The following PTPRM variants were observed in gnomAD, a reference collection of about 807,000 sequenced individuals.
The protein encoded by PTPRM is receptor-type tyrosine-protein phosphatase mu.
PTPRM carries 47 observed loss-of-function variants against 186.7 expected under a neutral mutation model. The observed-to-expected ratio is 0.25, with a 90% CI of 0.20 to 0.32. The LOEUF (loss-of-function observed/expected upper bound fraction) is 0.32. Among genes scored for constraint, PTPRM ranks in the 10% least tolerant of loss-of-function variants. PTPRM has a pLI of 1.00. For synonymous variants in PTPRM, 668 were observed against 674.9 expected, an observed-to-expected ratio of 0.99 and a Z score of 0.16; for missense variants, 1,494 against 1,865.0, an observed-to-expected ratio of 0.80 and a Z score of 3.66.
intron 2 of PTPRM, among the ~76,000 whole-genome samples, chr18:7,786,539 G>T (rs1270647406): frequency 6.6e-6 from 1 of 152,156 alleles, no homozygotes; most frequent in East Asian, 1.9e-4. Flanking sequence ...AAACTTGAAG[G>T]TGCAGACTAG....
chr18:8,154,867 A>G (rs1332912753), intron 14 of PTPRM: 1 of 152,238 alleles, frequency 6.6e-6, no homozygotes, highest in Non-Finnish European at 1.5e-5. Flanking sequence ...ACCTGGACTA[A>G]TATCATCTGA....
chr18:7,634,496 C>A (rs545072926), intron 1 of PTPRM, among the ~76,000 whole-genome samples: 1 of 152,292 alleles, frequency 6.6e-6, no homozygotes, highest in Admixed American at 6.5e-5. Flanking sequence ...CTGAAAAGCT[C>A]TTTCCTCATT....
intron 13 of PTPRM, among the ~76,000 whole-genome samples, chr18:8,118,811 A>AAAATATATATATAT (rs372020679): frequency 1.6e-5 from 2 of 128,390 alleles, no homozygotes; most frequent in African/African-American, 5.8e-5. Context: ...AAAAAAAAAA[A>AAAATATATATATAT]ATATATATAT....
chr18:8,156,456 C>T (rs181235919), intron 14 of PTPRM, among the ~76,000 whole-genome samples: 110 of 152,140 alleles, frequency 7.2e-4, no homozygotes, highest in Middle Eastern at 6.8e-3. Context: ...TGAGATGTGA[C>T]GATGATGATA....
intron 7 of PTPRM, among the ~76,000 whole-genome samples, chr18:7,962,480 A>C (rs1486241226): frequency 6.6e-6 from 1 of 152,170 alleles, no homozygotes; most frequent in African/African-American, 2.4e-5. Context: ...GGTCCAGTCT[A>C]AATGTCACTA....
In PTPRM at chr18:8,343,531, C is replaced by T. The variant is rs1469550031; in HGVS notation, c.3054+11C>T. 4.3e-6 allele frequency: 7 copies of T among 1,611,648 alleles called. No homozygotes were observed. In the Admixed American group the frequency reaches 6.7e-5, roughly 15 times the overall value. On this transcript the variant is annotated intron_variant, in intron 23 of 32. Transcript: ENST00000580170. The stretch of plus-strand genomic sequence containing the variant: ...GTGGAAGTGGGAAGGGTGAGTGGAC[C>T]GTCTGCTGCAAATGGCCATTTTGTT...
intron 2 of PTPRM, among the ~76,000 whole-genome samples, chr18:7,781,413 A>C (rs1248923608): frequency 6.6e-6 from 1 of 152,212 alleles, no homozygotes; most frequent in African/African-American, 2.4e-5. Context: ...GTAAAAAATT[A>C]ATGTTGAATC....
intron 1 of PTPRM, among the ~76,000 whole-genome samples, chr18:7,755,684 C>T (rs2041451171): frequency 6.6e-6 from 1 of 152,210 alleles, no homozygotes; most frequent in South Asian, 2.1e-4. Flanking sequence ...TGGCCCAAAG[C>T]ATAGCCAAGC....
intron 6 of PTPRM, among the ~76,000 whole-genome samples, chr18:7,954,606 G>C (rs912565599): frequency 1.3e-5 from 2 of 152,128 alleles, no homozygotes; most frequent in African/African-American, 4.8e-5. Flanking sequence ...TCAATAAGGA[G>C]ATTAACAATG....
chr18:7,808,238 C>A (rs961637902), intron 2 of PTPRM, among the ~76,000 whole-genome samples: 3 of 152,166 alleles, frequency 2.0e-5, no homozygotes, highest in African/African-American at 7.2e-5. Context: ...TTCTGGCACT[C>A]CCTTGGATAA....
chr18:8,247,059 G>A (rs2094483366), intron 15 of PTPRM, among the ~76,000 whole-genome samples: 2 of 151,930 alleles, frequency 1.3e-5, no homozygotes, highest in Admixed American at 1.3e-4. Flanking sequence ...ATACTTTAAT[G>A]AAATTAAACT....
chr18:8,092,392 G>A (rs1157163222), intron 11 of PTPRM, among the ~76,000 whole-genome samples: 2 of 152,122 alleles, frequency 1.3e-5, no homozygotes, highest in Non-Finnish European at 2.9e-5. Context: ...ATGGAAAAGT[G>A]TAACTTTCTT....
In PTPRM at chr18:8,152,712, C is replaced by CTTT. The variant is rs35112154; in HGVS notation, c.2300+8955_2300+8957dup. ...TTTCTCTTTTTCTTATGCCTCACCT[C>CTTT]TTTTTTTTTTTTTTTTTTTTTTTTG... On this transcript the variant is annotated intron_variant, in intron 14 of 32. Coordinates refer to ENST00000580170, the MANE Select transcript of PTPRM (RefSeq NM_001105244.2). Among the ~76,000 whole-genome samples the CTTT allele has an allele frequency of 5.4e-3, 308 of 56,942 alleles. 1 individual carries two copies. Among genetic ancestry groups the CTTT allele is most frequent in the Middle Eastern group, 0.014 (1 of 72 alleles). The allele number at this position is 56,942 out of a possible 152,430, so 37.4% of individuals were successfully genotyped here.
At chr18:7,675,742 T>G (rs1175471460) in intron 1 of PTPRM, among the ~76,000 whole-genome samples, 2 of 151,700 alleles carry the variant, frequency 1.3e-5, no homozygotes, top group Non-Finnish European at 2.9e-5. Context: ...TTCAGCATTT[T>G]TTTTTTTTTT....
At chr18:7,928,507 T>C (rs17566436) in intron 5 of PTPRM, among the ~76,000 whole-genome samples, 13,532 of 152,280 alleles carry the variant, frequency 0.089, 637 homozygotes, top group Middle Eastern at 0.26. Context: ...TGGTAATTAA[T>C]GATGAGACAA....
Position 8,085,684 on chromosome 18 carries a change from C to A in PTPRM, c.1565C>A (p.Ala522Glu). The A allele has an allele frequency of 6.2e-7, 1 of 1,603,000 alleles. No individual in the cohort carries two copies. The highest frequency in any genetic ancestry group is 8.5e-7 in the Non-Finnish European group (1 of 1,170,112). ...ATTCTTTTGCAGATCACCTACAAAGCAGTCAGTTCCTTTGACCCAGAAATA... is the reference window on the plus strand; with the variant it reads ...ATTCTTTTGCAGATCACCTACAAAGAAGTCAGTTCCTTTGACCCAGAAATA... ...VITLYEITYK[A>E]VSSFDPEIDL... Residue 522 changes from alanine to glutamate, a missense_variant, in exon 10 of 33, where the codon GCA becomes GAA. Physicochemically the swap from Ala to Glu is moderately radical, Grantham distance 107 (BLOSUM62 -1). Transcript: ENST00000580170.
rs368801133 is a variant in PTPRM, at chr18:8,390,896, C to G, written c.4209-3580C>G. ...TGAGTCAAGATCGTGCCACTGCACT[C>G]TAGCCTGGGCGACAGAGCAAGACTC... On this transcript the variant is annotated intron_variant, in intron 31 of 32. Transcript: ENST00000580170. 1.4e-4 allele frequency among the ~76,000 whole-genome samples: 21 copies of G among 151,342 alleles called. No homozygotes were observed. In the East Asian group the frequency reaches 1.9e-3, roughly 14 times the overall value.
At chr18:8,117,491 A>G (rs540265159) in intron 13 of PTPRM, among the ~76,000 whole-genome samples, 3 of 152,328 alleles carry the variant, frequency 2.0e-5, no homozygotes, top group Admixed American at 1.3e-4. Flanking sequence ...TCTTAAAAAT[A>G]TATTTCATAC....
At chr18:8,203,543 A>G (rs529517594) in intron 14 of PTPRM, among the ~76,000 whole-genome samples, 1 of 152,330 alleles carries the variant, frequency 6.6e-6, no homozygotes, top group Non-Finnish European at 1.5e-5. Flanking sequence ...GAAGATGTAG[A>G]TATGCATATA....
Sources: allele counts gnomAD v4.1 joint callset (sites outside exome capture counted in the v4.1 genomes callset), GRCh38; gene constraint gnomAD v4.1.1; transcripts MANE v1.5; gene names NCBI Gene and HGNC (gene_info 2026-07-23, HGNC 2026-07-21).